Variants in TMEM130 observed in about 807,000 individuals in gnomAD.
TMEM130 encodes transmembrane protein 130.
TMEM130 carries 37 observed loss-of-function variants against 42.9 expected under a neutral mutation model. The ratio of observed to expected loss-of-function variants is 0.86; its 90% CI spans 0.66 to 1.13. The LOEUF is 1.13. Ranked by LOEUF, TMEM130 falls within the 50% of genes most tolerant of loss-of-function variation. TMEM130 has a pLI of 0.00. For missense variants in TMEM130, 545 were observed against 562.6 expected, an observed-to-expected ratio of 0.97 and a Z score of 0.32; for synonymous variants, 259 against 237.7, an observed-to-expected ratio of 1.09 and a Z score of -0.82.
intron 5 of TMEM130, among the ~76,000 whole-genome samples, chr7:98,853,433 G>A (rs567936591): frequency 7.9e-5 from 12 of 152,240 alleles, no homozygotes; most frequent in African/African-American, 2.9e-4. Context: ...TTTGAAACCA[G>A]CCTGGCCGAC....
At chr7:98,862,688 C>T (rs1268665385) in intron 2 of TMEM130, among the ~76,000 whole-genome samples, 3 of 151,810 alleles carry the variant, frequency 2.0e-5, no homozygotes, top group South Asian at 2.1e-4. Context: ...TTAGTGGAGA[C>T]GGGGTTTTGT....
intron 5 of TMEM130, 75 bp from the exon 6 acceptor site, chr7:98,851,698 C>G (rs1230675541): frequency 1.5e-6 from 2 of 1,375,486 alleles, no homozygotes; most frequent in Admixed American, 4.8e-5. Context: ...CCAAGACAGG[C>G]CAGGTGGGCA....
intron 3 of TMEM130, among the ~76,000 whole-genome samples, chr7:98,858,923 C>T (rs1351395336): frequency 8.2e-6 from 1 of 121,634 alleles, no homozygotes; most frequent in East Asian, 2.9e-4. Context: ...AATCCCAACA[C>T]TTTGGGAGGA....
chr7:98,862,966 G>T (rs575022631), intron 2 of TMEM130, 129 bp downstream of exon 2: 1 of 1,012,794 alleles, frequency 9.9e-7, no homozygotes, highest in East Asian at 2.4e-5. Context: ...ACCCGGGGAA[G>T]GAACCTACGG....
chr7:98,848,386 G>A, intron 7 of TMEM130, 178 bp from the exon 8 acceptor site: 1 of 807,676 alleles, frequency 1.2e-6, no homozygotes, highest in South Asian at 1.8e-5. Flanking sequence ...GGATATAGGA[G>A]ATAAATCAGA....
chr7:98,850,273 A>ATTTTTTTTTTTTTTTTTTTTTTT (rs1554398023), intron 6 of TMEM130, among the ~76,000 whole-genome samples: 2 of 35,468 alleles, frequency 5.6e-5, no homozygotes, highest in Non-Finnish European at 1.3e-4. Context: ...ATATATATAT[A>ATTTTTTTTTTTTTTTTTTTTTTT]TTTTTTTTTT....
At position 98,855,278 on chromosome 7, in the gene TMEM130, G is replaced by C. The variant is rs1685123; in HGVS notation, c.765C>G (p.Thr255=). 5.1e-5 allele frequency: 82 copies of C among 1,613,634 alleles called. No homozygotes were observed. In the African/African-American group the frequency reaches 9.6e-4, roughly 19 times the overall value. ...IQVLGPTLIQ[T]FQKMTVTLNF... is the part of the protein sequence containing the mutation. ...TCAAGGTCACGGTCATCTTTTGGAA[G>C]GTCTGAATTAGGGTGGGCCCCAACA... is the stretch of plus-strand genomic sequence containing the variant. Residue 255 remains threonine, a synonymous_variant, in exon 5 of 8, where the codon ACC becomes ACG. Transcript: ENST00000339375.
At chr7:98,862,883 A>G (rs188482754) in intron 2 of TMEM130, among the ~76,000 whole-genome samples, 108 of 152,342 alleles carry the variant, frequency 7.1e-4, no homozygotes, top group Admixed American at 2.7e-3. Context: ...CTCAGCAGCA[A>G]TAGGCGTCCC....
rs781991936 is a variant in TMEM130 at position 98,848,651 on chromosome 7, T to A, written c.1051A>T (p.Thr351Ser). ...TACATGATGAAGGCCAACATCACAG[T>A]GATAAGTGTAGCACATGGGAAAGCA... Reference protein sequence around the residue: ...VFAFPCATLITVMLAFIMYMT... With the variant: ...VFAFPCATLISVMLAFIMYMT... The change falls in exon 7 of 8, where the codon ACT becomes TCT. Residue 351 changes from threonine (T) to serine (S), a missense_variant. Coordinates refer to ENST00000339375, the MANE Select transcript of TMEM130 (RefSeq NM_152913.3). 23 of 1,613,904 alleles carry A rather than the reference T, an allele frequency of 1.4e-5. No individual in the cohort carries two copies. Among genetic ancestry groups the A allele is most frequent in the African/African-American group, 4.0e-5 (3 of 74,864 alleles).
Position 98,863,086 on chromosome 7 carries a change from G to C in TMEM130, c.391+9C>G, listed in dbSNP as rs782005909. ...TGAAGGCAAACTAGCAAATGGGAGC[G>C]ACCCTCACCTGTGATGGGGAGGACC... On this transcript the variant is annotated intron_variant, in intron 2 of 7. Transcript: ENST00000339375. The C allele has an allele frequency of 2.1e-5, 34 of 1,604,422 alleles. No homozygotes were observed. Among genetic ancestry groups the C allele is most frequent in the Non-Finnish European group, 2.7e-5 (32 of 1,174,802 alleles).
chr7:98,863,825 C>CCCTT (rs1270586265), intron 1 of TMEM130, among the ~76,000 whole-genome samples: 3 of 141,708 alleles, frequency 2.1e-5, no homozygotes, highest in Non-Finnish European at 4.6e-5. Flanking sequence ...CTTTTTTTCT[C>CCCTT]CCTTCCTTCC....
chr7:98,853,627 G>GA (rs368274871), intron 5 of TMEM130, among the ~76,000 whole-genome samples: 10 of 152,188 alleles, frequency 6.6e-5, no homozygotes, highest in African/African-American at 2.2e-4. Context: ...GTCTCTGTCT[G>GA]AAAAAAAGAA....
intron 7 of TMEM130, 63 bp downstream of exon 7, chr7:98,848,520 C>A: frequency 8.3e-7 from 1 of 1,205,758 alleles, no homozygotes; most frequent in Non-Finnish European, 1.2e-6. Flanking sequence ...CCCCCATACC[C>A]TCTCTAAACA....
intron 3 of TMEM130, 141 bp from the exon 4 acceptor site, chr7:98,856,324 G>T (rs1237955775): frequency 6.2e-6 from 5 of 806,050 alleles, no homozygotes; most frequent in Non-Finnish European, 9.7e-6. Flanking sequence ...GAGCACACCT[G>T]TCATCACAGC....
Position 98,856,048 on chromosome 7 carries a change from G to C in TMEM130, c.687C>G (p.Thr229=). ...GCTTCAGCGAGGCGGAGAAGTCCCC[G>C]GTCTTCTGCTTCACAGCCCTCGTGG... The part of the protein sequence containing the change: ...PDATRAVKQK[T]GDFSASLKLQ... The change falls in exon 4 of 8, where the codon ACC becomes ACG. Residue 229 remains threonine, a synonymous_variant. Coordinates refer to ENST00000339375, the MANE Select transcript of TMEM130 (RefSeq NM_152913.3). 1 of 1,613,502 alleles carries C rather than the reference G, an allele frequency of 6.2e-7. No individual in the cohort carries two copies. Among genetic ancestry groups the C allele is most frequent in the Non-Finnish European group, 8.5e-7 (1 of 1,180,012 alleles).
chr7:98,850,886 G>A (rs1554398096), intron 6 of TMEM130, among the ~76,000 whole-genome samples: 1 of 152,152 alleles, frequency 6.6e-6, no homozygotes, highest in Admixed American at 6.5e-5. Flanking sequence ...AAGTGTTTGT[G>A]CTGGGGACGT....
chr7:98,848,086 G>A lies in TMEM130; in HGVS notation c.1242C>T (p.Leu414=). ...CGGTGTAAGTTTTGACAGACTTATA[G>A]AGGGGCGGGAGCAGCCCGTGGTTCT... The part of the protein sequence containing the change: ...VRENHGLLPP[L]YKSVKTYTV The change falls in exon 8 of 8, where the codon CTC becomes CTT. Residue 414 remains leucine (L), a synonymous_variant. Transcript: ENST00000339375. 6.2e-7 allele frequency: 1 copy of A among 1,614,026 alleles called. No individual in the cohort carries two copies. Among genetic ancestry groups the A allele is most frequent in the Admixed American group, 1.7e-5 (1 of 59,994 alleles).
rs1794507230 is a variant in TMEM130 at position 98,851,597 on chromosome 7, A to C, written c.830T>G (p.Leu277Arg). 1.2e-6 allele frequency: 2 copies of C among 1,613,380 alleles called. No homozygotes were observed. Among genetic ancestry groups the C allele is most frequent in the East Asian group, 4.5e-5 (2 of 44,844 alleles). ...CTCCAGCGGGAGGCACTCAGGCTTG[A>C]GACGCCAGCACACAGTCAGAGGAGG... ...GSPPLTVCWRLKPECLPLEEG... is the reference protein window; with the variant it reads ...GSPPLTVCWRRKPECLPLEEG... Residue 277 changes from leucine (L) to arginine (R), a missense_variant, in exon 6 of 8, where the codon CTC becomes CGC. By Grantham distance (102) the Leu-to-Arg change is moderately radical. Transcript: ENST00000339375.
chr7:98,866,751 G>C (rs984660069), intron 1 of TMEM130: 1 of 152,220 alleles, frequency 6.6e-6, no homozygotes, highest in Non-Finnish European at 1.5e-5. Flanking sequence ...CACGTTCGCT[G>C]CTTTGGCCCA....
Sources: allele counts gnomAD v4.1 joint callset (sites outside exome capture counted in the v4.1 genomes callset), GRCh38; gene constraint gnomAD v4.1.1; transcripts MANE v1.5; gene names NCBI Gene and HGNC (gene_info 2026-07-23, HGNC 2026-07-21).